Variants in NDST4 observed in about 807,000 individuals in gnomAD.
NDST4 encodes N-heparan sulfate sulfotransferase 4.
NDST4 carries 63 observed loss-of-function variants against 100.8 expected under a neutral mutation model. That is an observed-to-expected ratio of 0.62 (90% CI 0.51 to 0.77). The LOEUF is 0.77. Among genes scored for constraint, NDST4 ranks in the 30% least tolerant of loss-of-function variants. NDST4 has a pLI of 0.00. For missense variants in NDST4, 943 were observed against 1,018.4 expected (o/e 0.93, Z 1.01); for synonymous variants, 377 against 361.8 (o/e 1.04, Z -0.48).
intron 7 of NDST4, among the ~76,000 whole-genome samples, chr4:114,867,019 G>C (rs116221155): frequency 6.6e-6 from 1 of 152,174 alleles, no homozygotes; most frequent in Non-Finnish European, 1.5e-5. Flanking sequence ...AATCACCCTT[G>C]AGGAGGAGTA....
At chr4:115,033,809 C>A (rs1728174786) in intron 2 of NDST4, among the ~76,000 whole-genome samples, 1 of 149,264 alleles carries the variant, frequency 6.7e-6, no homozygotes, top group Non-Finnish European at 1.5e-5. Flanking sequence ...TAATAAAAAA[C>A]ATACTTCTTA....
At chr4:114,893,319 T>C (rs1042414574) in intron 6 of NDST4, among the ~76,000 whole-genome samples, 53 of 152,090 alleles carry the variant, frequency 3.5e-4, no homozygotes, top group Admixed American at 1.4e-3. Flanking sequence ...GGAATCGCCA[T>C]ACTGTCTTCC....
In NDST4 at chr4:114,988,352, C is replaced by CTT. The variant is rs991019823; in HGVS notation, c.979-11080_979-11079dup. Among the ~76,000 whole-genome samples the CTT allele has an allele frequency of 9.6e-3, 619 of 64,182 alleles. 182 individuals carry two copies. The highest frequency in any genetic ancestry group is 0.037 in the African/African-American group (549 of 14,658). The allele number at this position is 64,182 out of a possible 152,430, so 42.1% of individuals were successfully genotyped here. A position where few individuals can be genotyped will look rare whatever the true frequency, so the allele number is the denominator to read the frequency against. Reference sequence around the variant, plus strand: ...TTTGTAAGCACACAGATACACATATCTTTTTTTTTTTTTTTTTTTTTTTTT... The same window carrying CTT: ...TTTGTAAGCACACAGATACACATATCTTTTTTTTTTTTTTTTTTTTTTTTTTT... On this transcript the variant is annotated intron_variant, in intron 2 of 13. Transcript: ENST00000264363.
At chr4:115,048,534 T>G (rs868690222) in intron 2 of NDST4, among the ~76,000 whole-genome samples, 1 of 152,168 alleles carries the variant, frequency 6.6e-6, no homozygotes, top group African/African-American at 2.4e-5. Flanking sequence ...GCCACCTCAG[T>G]CTACGAGAAT....
chr4:115,109,029 G>A (rs1729887387), intron 1 of NDST4, among the ~76,000 whole-genome samples: 1 of 150,544 alleles, frequency 6.6e-6, no homozygotes, highest in Admixed American at 6.7e-5. Context: ...AGGAAAGAGG[G>A]AAAAGGGAAG....
chr4:115,003,759 TC>T (rs1727350495), intron 2 of NDST4, among the ~76,000 whole-genome samples: 1 of 151,808 alleles, frequency 6.6e-6, no homozygotes, highest in South Asian at 2.1e-4. Context: ...TCCCAGCTAC[TC>T]GGGAGGCTGA....
Position 114,891,595 on chromosome 4 carries a change from A to T in NDST4, c.1537-20645T>A, listed in dbSNP as rs185803465. Among the ~76,000 whole-genome samples the T allele has an allele frequency of 8.7e-4, 132 of 152,128 alleles. 2 individuals carry two copies. The highest frequency in any genetic ancestry group is 2.9e-3 in the African/African-American group (121 of 41,536). On this transcript the variant is annotated intron_variant, in intron 6 of 13. Coordinates refer to ENST00000264363, the MANE Select transcript of NDST4 (RefSeq NM_022569.3). ...TCTTTATTTGTATTTCCATCATTCT[A>T]ATACAGAGTCTTTTTAATATCTCTT... is the stretch of plus-strand genomic sequence containing the variant.
chr4:115,065,720 T>C (rs1728932286), intron 2 of NDST4, among the ~76,000 whole-genome samples: 1 of 152,128 alleles, frequency 6.6e-6, no homozygotes, highest in South Asian at 2.1e-4. Flanking sequence ...GGCTTAAAAA[T>C]CCTGAGTGAC....
At position 114,929,113 on chromosome 4, in the gene NDST4, C is replaced by CATCTATCTATCTATCT. The variant is rs70964332; in HGVS notation, c.1536+6077_1536+6092dup. Among the ~76,000 whole-genome samples, 1,084 of 117,406 alleles carry CATCTATCTATCTATCT rather than the reference C, an allele frequency of 9.2e-3. 22 individuals carry two copies. Among genetic ancestry groups the CATCTATCTATCTATCT allele is most frequent in the African/African-American group, 0.021 (680 of 32,266 alleles). 77.0% of individuals were successfully genotyped at this position (117,406 alleles called of 152,430 possible). On this transcript the variant is annotated intron_variant, in intron 6 of 13. Transcript: ENST00000264363. ...CCATCCATCCATCCATCCATCCATC[C>CATCTATCTATCTATCT]ATCTATCTATCTATCTATCTATCTA...
At chr4:114,914,284 T>G (rs1725123164) in intron 6 of NDST4, among the ~76,000 whole-genome samples, 1 of 152,096 alleles carries the variant, frequency 6.6e-6, no homozygotes, top group Non-Finnish European at 1.5e-5. Context: ...ACAGGGTCAA[T>G]AATAATTTAA....
At chr4:114,954,154 G>A (rs1235412345) in intron 4 of NDST4, among the ~76,000 whole-genome samples, 1 of 152,010 alleles carries the variant, frequency 6.6e-6, no homozygotes, top group Non-Finnish European at 1.5e-5. Flanking sequence ...GGAAATGCTA[G>A]TAATATTTTA....
At chr4:115,087,726 C>G (rs1344404537) in intron 1 of NDST4, among the ~76,000 whole-genome samples, 1 of 151,630 alleles carries the variant, frequency 6.6e-6, no homozygotes, top group Non-Finnish European at 1.5e-5. Flanking sequence ...TCATGATATG[C>G]TTTCCTGTTT....
intron 7 of NDST4, among the ~76,000 whole-genome samples, chr4:114,864,934 C>T (rs138970693): frequency 2.5e-3 from 386 of 152,218 alleles, no homozygotes; most frequent in Non-Finnish European, 3.7e-3. Flanking sequence ...AAATGTCTAT[C>T]TATTCTTCAC....
intron 13 of NDST4, among the ~76,000 whole-genome samples, chr4:114,829,089 T>C (rs1357875211): frequency 6.6e-5 from 10 of 152,196 alleles, no homozygotes; most frequent in Admixed American, 1.3e-4. Context: ...AAGGACCTTC[T>C]AGTATATCTA....
At chr4:115,067,045 C>A (rs186103204) in intron 2 of NDST4, among the ~76,000 whole-genome samples, 2 of 152,186 alleles carry the variant, frequency 1.3e-5, no homozygotes, top group Admixed American at 6.5e-5. Context: ...TCTCCACTGT[C>A]GAATATCTTG....
intron 1 of NDST4, among the ~76,000 whole-genome samples, chr4:115,081,864 A>G (rs1393361428): frequency 6.6e-6 from 1 of 152,202 alleles, no homozygotes; most frequent in African/African-American, 2.4e-5. Context: ...ACAGACAAAT[A>G]TGTGGATTAC....
rs370470657 is a variant in NDST4, at chr4:114,837,883, A to G, written c.2286+1495T>C. On this transcript the variant is annotated intron_variant, in intron 11 of 13. Coordinates refer to ENST00000264363, the MANE Select transcript of NDST4 (RefSeq NM_022569.3). ...AGCAAAAGAAACTATCATCAGAGTG[A>G]ACAGACTACCTAAAGAATGGGAGAA... 3.8e-3 allele frequency among the ~76,000 whole-genome samples: 585 copies of G among 152,330 alleles called. 5 individuals are homozygous for G. Among genetic ancestry groups the G allele is most frequent in the African/African-American group, 0.014 (568 of 41,570 alleles).
At chr4:115,022,458 G>GTGTTCCATATATA (rs1727874750) in intron 2 of NDST4, among the ~76,000 whole-genome samples, 1 of 61,418 alleles carries the variant, frequency 1.6e-5, no homozygotes, top group Non-Finnish European at 3.5e-5. Context: ...CCATATATAT[G>GTGTTCCATATATA]TGTTCCATAT....
At chr4:114,957,577 C>T (rs1238208098) in intron 4 of NDST4, among the ~76,000 whole-genome samples, 4 of 152,222 alleles carry the variant, frequency 2.6e-5, no homozygotes, top group Non-Finnish European at 5.9e-5. Flanking sequence ...CAAAACTAAA[C>T]ATGCCTTCTC....
Sources: gnomAD v4.1 joint callset for allele counts (sites outside exome capture counted in the v4.1 genomes callset) on GRCh38, gnomAD v4.1.1 for gene constraint, MANE v1.5 for transcripts, NCBI Gene and HGNC (gene_info 2026-07-23, HGNC 2026-07-21) for gene names.